Variants in CNTNAP4 observed in about 807,000 individuals in gnomAD.
CNTNAP4 encodes the protein contactin associated protein family member 4.
In CNTNAP4, 98 loss-of-function variants were observed where a neutral mutation model predicts 148.4. The observed-to-expected ratio is 0.66, with a 90% confidence interval of 0.56 to 0.78. The LOEUF (loss-of-function observed/expected upper bound fraction) is 0.78. Among genes scored for constraint, CNTNAP4 ranks in the 30% least tolerant of loss-of-function variants. The pLI, the probability that CNTNAP4 is intolerant of heterozygous loss-of-function variation, is 0.00. For missense variants in CNTNAP4, 1,935 were observed against 1,565.6 expected (o/e 1.24, Z -3.98); for synonymous variants, 730 against 565.1 (o/e 1.29, Z -4.14).
chr16:76,525,581 A>T (rs956649462), intron 17 of CNTNAP4, among the ~76,000 whole-genome samples: 1 of 146,794 alleles, frequency 6.8e-6, no homozygotes, highest in Non-Finnish European at 1.5e-5. Flanking sequence ...ATTTGTATAT[A>T]TAAAAAATTT....
At chr16:76,397,390 A>G (rs1219866294) in intron 3 of CNTNAP4, among the ~76,000 whole-genome samples, 1 of 151,986 alleles carries the variant, frequency 6.6e-6, no homozygotes, top group African/African-American at 2.4e-5. Context: ...TAAAGGGTTA[A>G]ATTTCAGTGA....
At chr16:76,555,881 C>G (rs1597157684) in intron 23 of CNTNAP4, among the ~76,000 whole-genome samples, 1 of 152,172 alleles carries the variant, frequency 6.6e-6, no homozygotes, top group East Asian at 1.9e-4. Context: ...GACTAAACTT[C>G]AGAAGCAGAG....
intron 3 of CNTNAP4, among the ~76,000 whole-genome samples, chr16:76,410,865 A>G (rs572398875): frequency 6.6e-6 from 1 of 151,760 alleles, no homozygotes; most frequent in African/African-American, 2.4e-5. Context: ...AAATCTTAAT[A>G]TTACAATTGG....
intron 1 of CNTNAP4, among the ~76,000 whole-genome samples, chr16:76,309,005 C>G (rs929868921): frequency 6.6e-6 from 1 of 151,080 alleles, no homozygotes; most frequent in African/African-American, 2.4e-5. Flanking sequence ...TGGGGCTTGA[C>G]ATCTTGCTTA....
intron 12 of CNTNAP4, among the ~76,000 whole-genome samples, chr16:76,489,100 A>G (rs1482660644): frequency 6.6e-6 from 1 of 152,214 alleles, no homozygotes; most frequent in African/African-American, 2.4e-5. Flanking sequence ...ATGTTGATTA[A>G]GGAGAGGTAT....
chr16:76,374,633 A>G (rs1205765121), intron 3 of CNTNAP4, among the ~76,000 whole-genome samples: 2 of 151,882 alleles, frequency 1.3e-5, no homozygotes, highest in Non-Finnish European at 2.9e-5. Context: ...ACAAACATTG[A>G]ATTTCCGTGT....
At position 76,491,508 on chromosome 16, in the gene CNTNAP4, C is replaced by T. The variant is rs1001673476; in HGVS notation, c.2080+1625C>T. On this transcript the variant is annotated intron_variant, in intron 13 of 23. Coordinates refer to ENST00000611870, the MANE Select transcript of CNTNAP4 (RefSeq NM_033401.5). ...CGTACAAAGTGCATGGCATGAGCCC[C>T]CCTCATTTCCAGCTCTCCAGGGCAT... Among the ~76,000 whole-genome samples, 11 of 152,284 alleles carry T rather than the reference C, an allele frequency of 7.2e-5. No individual in the cohort carries two copies. The East Asian group carries it at 1.7e-3, about 24-fold the overall frequency.
intron 3 of CNTNAP4, among the ~76,000 whole-genome samples, chr16:76,390,154 C>T (rs576530548): frequency 3.3e-5 from 5 of 152,254 alleles, no homozygotes; most frequent in African/African-American, 4.8e-5. Context: ...TAGCCTTCCT[C>T]CCTGGGAGAT....
chr16:76,436,384 C>T (rs1349067821), intron 4 of CNTNAP4, among the ~76,000 whole-genome samples: 2 of 152,136 alleles, frequency 1.3e-5, no homozygotes, highest in Admixed American at 1.3e-4. Flanking sequence ...CCAATCAATG[C>T]CTTCATTTTA....
At chr16:76,532,835 T>C (rs944244926) in intron 17 of CNTNAP4, among the ~76,000 whole-genome samples, 11 of 151,856 alleles carry the variant, frequency 7.2e-5, no homozygotes, top group African/African-American at 2.7e-4. Context: ...AGTGGAAGAA[T>C]AGGGAGGTGT....
chr16:76,491,157 T>C (rs774259278), intron 13 of CNTNAP4, among the ~76,000 whole-genome samples: 65 of 152,118 alleles, frequency 4.3e-4, no homozygotes, highest in Non-Finnish European at 8.4e-4. Flanking sequence ...TCCTCCTCGT[T>C]TTCCTTTTTT....
chr16:76,349,790 G>T (rs528387539), intron 2 of CNTNAP4, among the ~76,000 whole-genome samples: 3 of 151,978 alleles, frequency 2.0e-5, no homozygotes, highest in Non-Finnish European at 4.4e-5. Flanking sequence ...TTGAACATCT[G>T]TGTCCTTTTA....
intron 3 of CNTNAP4, among the ~76,000 whole-genome samples, chr16:76,360,815 A>ATTT (rs397745852): frequency 0.023 from 2,753 of 122,286 alleles, 158 homozygotes; most frequent in African/African-American, 0.082. Context: ...ACATGGCTGC[A>ATTT]TTTTTTTTTT....
chr16:76,513,388 G>C (rs1327416591), intron 15 of CNTNAP4, among the ~76,000 whole-genome samples: 2 of 152,088 alleles, frequency 1.3e-5, no homozygotes, highest in African/African-American at 4.8e-5. Context: ...TGTGATCGCA[G>C]AGGAGCATTG....
chr16:76,530,925 T>A (rs1025774280), intron 17 of CNTNAP4, among the ~76,000 whole-genome samples: 1 of 152,152 alleles, frequency 6.6e-6, no homozygotes, highest in Non-Finnish European at 1.5e-5. Context: ...AGAAGACAAC[T>A]TTTTCCCTTC....
intron 3 of CNTNAP4, among the ~76,000 whole-genome samples, chr16:76,376,895 A>G (rs1347792386): frequency 6.7e-6 from 1 of 148,742 alleles, no homozygotes; most frequent in East Asian, 2.0e-4. Flanking sequence ...AGAGAAACAA[A>G]ACTAACAAGG....
chr16:76,316,280 A>G (rs1961730481), intron 1 of CNTNAP4, 133 bp from the exon 2 acceptor site: 2 of 717,606 alleles, frequency 2.8e-6, no homozygotes, highest in Non-Finnish European at 5.2e-6. Context: ...CCCTGGAAGT[A>G]GTAGGCATAT....
chr16:76,490,802 C>T, intron 13 of CNTNAP4, among the ~76,000 whole-genome samples: 1 of 152,094 alleles, frequency 6.6e-6, no homozygotes, highest in Non-Finnish European at 1.5e-5. Flanking sequence ...TCGTGCCACC[C>T]TCAAACACGT....
intron 1 of CNTNAP4, among the ~76,000 whole-genome samples, chr16:76,288,231 G>A (rs1958967960): frequency 6.6e-6 from 1 of 151,992 alleles, no homozygotes; most frequent in South Asian, 2.1e-4. Context: ...AGACGTGCCT[G>A]TTTTGCCTTC....
Sources: gnomAD v4.1 joint callset for allele counts (sites outside exome capture counted in the v4.1 genomes callset) on GRCh38, gnomAD v4.1.1 for gene constraint, MANE v1.5 for transcripts, NCBI Gene and HGNC (gene_info 2026-07-23, HGNC 2026-07-21) for gene names.